The following PARP1 variants were observed in gnomAD, a reference collection of about 807,000 sequenced individuals.
PARP1 encodes poly [ADP-ribose] polymerase 1.
PARP1 carries 44 observed loss-of-function variants against 118.7 expected under a neutral mutation model. The ratio of observed to expected loss-of-function variants is 0.37; its 90% confidence interval spans 0.29 to 0.48. The LOEUF (loss-of-function observed/expected upper bound fraction) is 0.48. PARP1 is among the 20% of genes least tolerant of loss of function. The pLI, the probability that PARP1 is intolerant of heterozygous loss-of-function variation, is 0.99. For missense variants in PARP1, 1,100 were observed against 1,272.4 expected (o/e 0.86, Z 2.06); for synonymous variants, 492 against 483.2 (o/e 1.02, Z -0.24).
chr1:226,379,081 A>G (rs942954081), intron 12 of PARP1, 61 bp downstream of exon 12: 2 of 1,607,460 alleles, frequency 1.2e-6, no homozygotes, highest in Non-Finnish European at 1.7e-6. Flanking sequence ...ATGGCACAGC[A>G]CTAACCAATG....
intron 10 of PARP1, 66 bp downstream of exon 10, chr1:226,379,856 G>A (rs1664569668): frequency 1.2e-6 from 2 of 1,609,570 alleles, no homozygotes; most frequent in Middle Eastern, 2.2e-4. Context: ...GAGGTTCCGT[G>A]GACAACAACC....
At chr1:226,382,717 C>A (rs903554945) in intron 8 of PARP1, among the ~76,000 whole-genome samples, 2 of 152,186 alleles carry the variant, frequency 1.3e-5, no homozygotes, top group African/African-American at 4.8e-5. Flanking sequence ...TGGGGTCTCA[C>A]TACATTGCCC....
chr1:226,379,163 A>G lies in PARP1; in HGVS notation c.1724T>C (p.Leu575Pro). Residue 575 changes from leucine to proline, a missense_variant, in exon 12 of 23, where the codon CTG becomes CCG. By Grantham distance (98) the Leu-to-Pro change is moderately conservative. Around this residue, in one of 2 missense-constraint regions of PARP1, gnomAD observed 948 missense variants for 1,031.8 expected, o/e 0.92. Transcript: ENST00000366794. ...GTNSYYKLQL[L>P]EDDKENRYWI... ...TCACCTGTTTTCCTTGTCGTCCTCC[A>G]GAAGCTGCAGCTTGTAGTAGGAGTT... 1 of 1,614,254 alleles carries G rather than the reference A, an allele frequency of 6.2e-7. No individual in the cohort carries two copies. The highest frequency in any genetic ancestry group is 8.5e-7 in the Non-Finnish European group (1 of 1,180,042).
At chr1:226,372,553 T>C (rs1198302295) in intron 14 of PARP1, among the ~76,000 whole-genome samples, 1 of 152,140 alleles carries the variant, frequency 6.6e-6, no homozygotes, top group Non-Finnish European at 1.5e-5. Flanking sequence ...TGCACGCCTG[T>C]AGTCCCAGCT....
At chr1:226,393,002 G>C (rs750394834) in intron 2 of PARP1, 2 of 1,524,822 alleles carry the variant, frequency 1.3e-6, no homozygotes, top group South Asian at 2.6e-5. Flanking sequence ...ATTAAGGAAA[G>C]AAAAAGAAAC....
At chr1:226,382,646 C>T (rs1305254610) in intron 8 of PARP1, among the ~76,000 whole-genome samples, 3 of 152,212 alleles carry the variant, frequency 2.0e-5, no homozygotes, top group Non-Finnish European at 4.4e-5. Flanking sequence ...CCGCCTCAGC[C>T]TCCTGAGTAT....
At chr1:226,401,572 T>C (rs1378459077) in intron 2 of PARP1, among the ~76,000 whole-genome samples, 1 of 152,216 alleles carries the variant, frequency 6.6e-6, no homozygotes, top group East Asian at 1.9e-4. Context: ...GGGTGTTTTA[T>C]GGAAAGCTGC....
chr1:226,393,469 A>G (rs1460325890), intron 2 of PARP1, among the ~76,000 whole-genome samples: 1 of 152,212 alleles, frequency 6.6e-6, no homozygotes, highest in East Asian at 1.9e-4. Flanking sequence ...CAACAACCCC[A>G]AAGTCACCTA....
chr1:226,376,101 C>T (rs1386160628), intron 13 of PARP1, among the ~76,000 whole-genome samples: 1 of 152,078 alleles, frequency 6.6e-6, no homozygotes, highest in Non-Finnish European at 1.5e-5. Context: ...AGATGTAAAT[C>T]CTATTTTTAA....
chr1:226,368,397 C>T, intron 15 of PARP1, 76 bp from the exon 16 acceptor site: 8 of 1,594,558 alleles, frequency 5.0e-6, no homozygotes, highest in South Asian at 1.1e-5. Flanking sequence ...TCTCTTTTAG[C>T]AGGTGGGTGC....
At chr1:226,405,391 C>T (rs1230333797) in intron 1 of PARP1, among the ~76,000 whole-genome samples, 1 of 152,102 alleles carries the variant, frequency 6.6e-6, no homozygotes, top group Non-Finnish European at 1.5e-5. Context: ...GCAACCTCCA[C>T]CTCCCAGGCT....
In PARP1 at chr1:226,402,220, C is replaced by T. The variant is rs2102747105; in HGVS notation, c.280G>A (p.Val94Met). The T allele has an allele frequency of 1.9e-6, 3 of 1,614,228 alleles. No homozygotes were observed. Among genetic ancestry groups the T allele is most frequent in the Non-Finnish European group, 2.5e-6 (3 of 1,180,044 alleles). The change falls in exon 2 of 23, where the codon GTG becomes ATG. Residue 94 changes from valine (V) to methionine (M), a missense_variant. Transcript: ENST00000366794. Reference protein sequence around the residue: ...KVKKTAEAGGVTGKGQDGIGS... With the variant: ...KVKKTAEAGGMTGKGQDGIGS... ...TGCCCCAGTATGTACACACCTGTCACTCCTCCAGCTTCCGCTGTCTTCTTG... is the reference window on the plus strand; with the variant it reads ...TGCCCCAGTATGTACACACCTGTCATTCCTCCAGCTTCCGCTGTCTTCTTG...
rs1022518698 is a variant in PARP1, at chr1:226,392,731, T to C, written c.287-417A>G. On this transcript the variant is annotated intron_variant, in intron 2 of 22. Transcript: ENST00000366794. ...CAAAGTGTTGAATTAAAGGAAATAT[T>C]TTGATATAAGTCAGACACAAGTATA... 16 of 564,906 alleles carry C rather than the reference T, an allele frequency of 2.8e-5. No individual in the cohort carries two copies. In the African/African-American group the frequency reaches 3.0e-4, roughly 11 times the overall value. The allele number at this position is 564,906 out of a possible 1,614,324, so 35.0% of individuals were successfully genotyped here.
chr1:226,366,145 C>T (rs1664261845), intron 17 of PARP1, 93 bp from the exon 18 acceptor site: 7 of 834,122 alleles, frequency 8.4e-6, no homozygotes, highest in Admixed American at 5.6e-5. Context: ...TAGCTCAACA[C>T]CACACTCCTC....
Position 226,383,155 on chromosome 1 carries a change from T to A in PARP1, c.1040A>T (p.Lys347Ile), listed in dbSNP as rs781752294. ...ACGGTCCTGTTTTTTAACCTTCAAT[T>A]TCTTGAGGTAAGAGATTTCTCGGAA... ...KEFREISYLK[K>I]LKVKKQDRIF... is the part of the protein sequence containing the mutation. Residue 347 changes from lysine to isoleucine, a missense_variant, in exon 8 of 23, where the codon AAA becomes ATA. Coordinates refer to ENST00000366794, the MANE Select transcript of PARP1 (RefSeq NM_001618.4). 4.3e-6 allele frequency: 7 copies of A among 1,612,988 alleles called. 1 individual carries two copies. The South Asian group carries it at 7.7e-5, about 18-fold the overall frequency.
chr1:226,397,820 A>G (rs1424156945), intron 2 of PARP1, among the ~76,000 whole-genome samples: 1 of 152,186 alleles, frequency 6.6e-6, no homozygotes, highest in African/African-American at 2.4e-5. Flanking sequence ...GGATACGTAG[A>G]TCAGTGGGAC....
chr1:226,362,145 G>A, intron 21 of PARP1, 62 bp from the exon 22 acceptor site: 1 of 911,678 alleles, frequency 1.1e-6, no homozygotes. Flanking sequence ...AGCTTCCAGG[G>A]AGATGAGCTC....
intron 7 of PARP1, among the ~76,000 whole-genome samples, chr1:226,383,435 T>C (rs575128758): frequency 1.1e-4 from 16 of 152,242 alleles, no homozygotes; most frequent in African/African-American, 3.9e-4. Flanking sequence ...GAAAAATCTT[T>C]CCCTAAAAAA....
At chr1:226,361,643 A>G in intron 22 of PARP1, 102 bp from the exon 23 acceptor site, 3 of 852,208 alleles carry the variant, frequency 3.5e-6, no homozygotes, top group Non-Finnish European at 6.0e-6. Context: ...CCAGCCTGAA[A>G]GTCACTCTAA....
Sources: allele counts gnomAD v4.1 joint callset (sites outside exome capture counted in the v4.1 genomes callset), GRCh38; gene constraint gnomAD v4.1.1; regional missense constraint gnomAD v4.1.1; transcripts MANE v1.5; gene names NCBI Gene and HGNC (gene_info 2026-07-23, HGNC 2026-07-21).